DLG2: variants seen among roughly 807,000 people sequenced by gnomAD.
The protein encoded by DLG2 is disks large homolog 2.
DLG2 carries 45 observed loss-of-function variants against 132.5 expected under a neutral mutation model. The observed-to-expected ratio is 0.34, with a 90% CI of 0.27 to 0.44. The LOEUF is 0.44. DLG2 is among the 20% of genes least tolerant of loss of function. The pLI is 1.00. For missense variants in DLG2, 1,045 were observed against 1,196.9 expected (o/e 0.87, Z 1.87); for synonymous variants, 424 against 419.6 (o/e 1.01, Z -0.13).
At chr11:83,970,514 G>C (rs144181979) in intron 12 of DLG2, among the ~76,000 whole-genome samples, 2 of 152,188 alleles carry the variant, frequency 1.3e-5, no homozygotes, top group Admixed American at 1.3e-4. Context: ...AGAACAGGTG[G>C]TATTATGATA....
intron 3 of DLG2, among the ~76,000 whole-genome samples, chr11:85,556,386 A>C (rs570437126): frequency 6.6e-6 from 1 of 151,990 alleles, no homozygotes; most frequent in Non-Finnish European, 1.5e-5. Context: ...TTTAAACAGG[A>C]TTATATTGTA....
intron 18 of DLG2, among the ~76,000 whole-genome samples, chr11:83,752,753 C>T (rs1393551683): frequency 6.6e-6 from 1 of 152,066 alleles, no homozygotes; most frequent in East Asian, 1.9e-4. Context: ...GTTGATAATG[C>T]CAAATACAAA....
intron 6 of DLG2, among the ~76,000 whole-genome samples, chr11:85,016,483 A>ACCAAT (rs142587591): frequency 2.3e-3 from 351 of 152,052 alleles, no homozygotes; most frequent in Non-Finnish European, 4.0e-3. Context: ...CTATTTTCTC[A>ACCAAT]CCAATACCTT....
At chr11:83,918,854 C>A (rs115440281) in intron 15 of DLG2, among the ~76,000 whole-genome samples, 10 of 151,466 alleles carry the variant, frequency 6.6e-5, no homozygotes, top group African/African-American at 1.9e-4. Flanking sequence ...AAAAAAAAGT[C>A]TTTGTAAAAT....
chr11:84,152,644 C>G (rs546496814), intron 9 of DLG2, among the ~76,000 whole-genome samples: 1 of 152,078 alleles, frequency 6.6e-6, no homozygotes. Context: ...TCTCGGCCCC[C>G]CAAAGTGCTG....
At chr11:84,253,351 GTGTAGAA>G (rs1567076909) in intron 7 of DLG2, among the ~76,000 whole-genome samples, 1 of 152,106 alleles carries the variant, frequency 6.6e-6, no homozygotes, top group Non-Finnish European at 1.5e-5. Context: ...TTTTCCTTCC[GTGTAGAA>G]TGGGAATAGT....
At chr11:84,929,930 C>G (rs1023347382) in intron 6 of DLG2, among the ~76,000 whole-genome samples, 1 of 151,976 alleles carries the variant, frequency 6.6e-6, no homozygotes, top group Non-Finnish European at 1.5e-5. Context: ...CAATTACTCA[C>G]CACCCTGTAC....
Position 85,472,325 on chromosome 11 carries a change from CAG to C in DLG2, c.40+126330_40+126331del, listed in dbSNP as rs1369893025. ...TTTGTTTTTGTTTTTGTTTTTGAGA[CAG>C]AGTCTCACTCTGTCACCAGGCTGGA... On this transcript the variant is annotated intron_variant, in intron 3 of 27. Coordinates refer to ENST00000376104, the MANE Select transcript of DLG2 (RefSeq NM_001142699.3). Among the ~76,000 whole-genome samples, 4 of 152,220 alleles carry C rather than the reference CAG, an allele frequency of 2.6e-5. No homozygotes were observed. The East Asian group carries it at 7.7e-4, about 29-fold the overall frequency.
At chr11:85,362,241 T>A (rs76760622) in intron 3 of DLG2, among the ~76,000 whole-genome samples, 143 of 152,190 alleles carry the variant, frequency 9.4e-4, no homozygotes, top group Non-Finnish European at 1.1e-3. Context: ...ACGCATAAGC[T>A]ATCATGCCCA....
chr11:83,810,188 A>C (rs2046908470), intron 17 of DLG2, among the ~76,000 whole-genome samples: 1 of 152,078 alleles, frequency 6.6e-6, no homozygotes, highest in African/African-American at 2.4e-5. Flanking sequence ...AGTCCACCTG[A>C]GGATTAGTGA....
rs114535369 is a variant in DLG2, at chr11:84,928,347, C to T, written c.357+183314G>A. On this transcript the variant is annotated intron_variant, in intron 6 of 27. Transcript: ENST00000376104. ...CAGCTGTGTGACCTTGGGTAAGTTA[C>T]ATAACTTCTCTCTGCCACAGAGTAT... Among the ~76,000 whole-genome samples the T allele has an allele frequency of 6.7e-3, 1,016 of 152,046 alleles. 12 individuals carry two copies. The highest frequency in any genetic ancestry group is 0.024 in the African/African-American group (989 of 41,528).
intron 3 of DLG2, among the ~76,000 whole-genome samples, chr11:85,428,478 C>G (rs2090933838): frequency 6.6e-6 from 1 of 152,228 alleles, no homozygotes; most frequent in African/African-American, 2.4e-5. Flanking sequence ...GAAACTCACT[C>G]AAAACCACAT....
In DLG2 at chr11:83,516,331, G is replaced by A. The variant is rs897554186; in HGVS notation, c.2193+16377C>T. On this transcript the variant is annotated intron_variant, in intron 21 of 27. Transcript: ENST00000376104. ...TGTTGGTTTAATGTCTGTTTTATCA[G>A]AGACTAGGATTGAAACCCCTAGTTT... Among the ~76,000 whole-genome samples, 10 of 152,262 alleles carry A rather than the reference G, an allele frequency of 6.6e-5. No individual in the cohort carries two copies. The South Asian group carries it at 2.1e-3, about 32-fold the overall frequency.
At chr11:84,666,232 A>T (rs1218638602) in intron 6 of DLG2, among the ~76,000 whole-genome samples, 1 of 152,120 alleles carries the variant, frequency 6.6e-6, no homozygotes, top group African/African-American at 2.4e-5. Flanking sequence ...AATATGGGTG[A>T]CTCTCATCCA....
intron 3 of DLG2, among the ~76,000 whole-genome samples, chr11:85,287,419 C>T (rs2078629206): frequency 6.6e-6 from 1 of 152,030 alleles, no homozygotes; most frequent in African/African-American, 2.4e-5. Context: ...TAGGAAAGAT[C>T]CTCGACCTCA....
intron 11 of DLG2, among the ~76,000 whole-genome samples, chr11:84,051,260 A>C (rs1306307937): frequency 3.3e-5 from 5 of 151,838 alleles, no homozygotes; most frequent in East Asian, 1.9e-4. Context: ...TTGACCCAGA[A>C]ATCCCATTAC....
intron 17 of DLG2, among the ~76,000 whole-genome samples, chr11:83,804,555 T>A (rs1244923549): frequency 7.7e-6 from 1 of 130,614 alleles, no homozygotes; most frequent in Non-Finnish European, 1.7e-5. Context: ...TCTCTCCACT[T>A]ACCTACCTAT....
intron 6 of DLG2, among the ~76,000 whole-genome samples, chr11:84,879,784 C>T (rs2086994221): frequency 6.6e-6 from 1 of 152,048 alleles, no homozygotes; most frequent in African/African-American, 2.4e-5. Flanking sequence ...TCATTTATTA[C>T]AAAGTTTTAA....
intron 7 of DLG2, among the ~76,000 whole-genome samples, chr11:84,318,063 A>C (rs1274118338): frequency 6.6e-6 from 1 of 152,216 alleles, no homozygotes; most frequent in African/African-American, 2.4e-5. Flanking sequence ...TAACAAATAC[A>C]TTCACCACAA....
Sources: allele counts gnomAD v4.1 joint callset (sites outside exome capture counted in the v4.1 genomes callset), GRCh38; gene constraint gnomAD v4.1.1; transcripts MANE v1.5; gene names NCBI Gene and HGNC (gene_info 2026-07-23, HGNC 2026-07-21).